Variants in ITGA2 observed in about 807,000 individuals in gnomAD.
The protein encoded by ITGA2 is integrin subunit alpha 2, also known as integrin alpha-2.
In ITGA2, 101 loss-of-function variants were observed where a neutral mutation model predicts 146.3. The ratio of observed to expected loss-of-function variants is 0.69; its 90% CI spans 0.59 to 0.81. The LOEUF (loss-of-function observed/expected upper bound fraction) is 0.81. ITGA2 is among the 40% of genes least tolerant of loss of function. The probability of loss-of-function intolerance (pLI) is 0.00; values close to 1 mark genes in which losing one functional copy is unlikely to be tolerated. For missense variants in ITGA2, 1,281 were observed against 1,402.7 expected (o/e 0.91, Z 1.39); for synonymous variants, 477 against 487.1 (o/e 0.98, Z 0.27).
chr5:53,017,636 G>A (rs1039906157), intron 1 of ITGA2, among the ~76,000 whole-genome samples: 1 of 152,224 alleles, frequency 6.6e-6, no homozygotes, highest in African/African-American at 2.4e-5. Context: ...GAAGGAGCAG[G>A]GTGGCAGCAA....
In ITGA2 at chr5:53,021,504, G is replaced by T. The variant is rs532588613; in HGVS notation, c.65-5244G>T. The stretch of plus-strand genomic sequence containing the variant: ...ACATTCTCCCAGACTCTAGAGCATG[G>T]TTCTCCTGGAAACCTTTGCTGCCCC... On this transcript the variant is annotated intron_variant, in intron 1 of 29. Transcript: ENST00000296585. 2.0e-5 allele frequency among the ~76,000 whole-genome samples: 3 copies of T among 152,234 alleles called. No homozygotes were observed. In the East Asian group the frequency reaches 5.8e-4, roughly 29 times the overall value.
Position 53,083,440 on chromosome 5 carries a change from G to T in ITGA2, c.3245G>T (p.Gly1082Val). 6.3e-7 allele frequency: 1 copy of T among 1,590,844 alleles called. No homozygotes were observed. Among genetic ancestry groups the T allele is most frequent in the East Asian group, 2.2e-5 (1 of 44,750 alleles). The change falls in exon 27 of 30, where the codon GGG (glycine) becomes GTG (valine). Residue 1082 changes from glycine to valine, a missense_variant. Transcript: ENST00000296585. ...FVNVTTRIWNGTFASSTFQTV... is the reference protein window; with the variant it reads ...FVNVTTRIWNVTFASSTFQTV... ...AATGTGACTACCAGAATTTGGAACG[G>T]GACTTTCGCATCAGTAAGTATCAGT...
rs1263029361 is a variant in ITGA2 at position 53,073,119 on chromosome 5, GAACAACCCT to G, written c.2432_2440del (p.Glu811_Phe814delinsVal). The G allele has an allele frequency of 1.9e-6, 3 of 1,611,474 alleles. No homozygotes were observed. The African/African-American group carries it at 4.0e-5, about 22-fold the overall frequency. On this transcript the variant is annotated inframe_deletion and splice_region_variant, in exon 20 of 30. Coordinates refer to ENST00000296585, the MANE Select transcript of ITGA2 (RefSeq NM_002203.4). ...CCCCCTCCTTTTTACTTTTAACAGA[GAACAACCCT>G]TTATTGTCAGCAACCAAAACAAAAG...
chr5:52,998,066 C>T (rs1162916560), intron 1 of ITGA2, among the ~76,000 whole-genome samples: 1 of 152,042 alleles, frequency 6.6e-6, no homozygotes, highest in Non-Finnish European at 1.5e-5. Flanking sequence ...TTTATTATTA[C>T]ACAGTATTTA....
chr5:53,042,556 C>T (rs887832857), intron 3 of ITGA2, among the ~76,000 whole-genome samples: 5 of 152,088 alleles, frequency 3.3e-5, no homozygotes, highest in Non-Finnish European at 7.4e-5. Context: ...CTCCTCTTTG[C>T]AAAATAAACC....
rs939643453 is a variant in ITGA2, at chr5:53,065,833, T to C, written c.1807-8T>C. ...TACTATAATTTCGTGTCAAACCTGCTCTTTTAGAAAATCTTGGGATCCGAT... is the reference window on the plus strand; with the variant it reads ...TACTATAATTTCGTGTCAAACCTGCCCTTTTAGAAAATCTTGGGATCCGAT... On this transcript the variant is annotated splice_region_variant and splice_polypyrimidine_tract_variant and intron_variant, in intron 14 of 29. Transcript: ENST00000296585. 1.2e-6 allele frequency: 2 copies of C among 1,611,636 alleles called. No homozygotes were observed. Among genetic ancestry groups the C allele is most frequent in the South Asian group, 1.1e-5 (1 of 91,056 alleles).
chr5:53,015,606 C>T (rs1011688861), intron 1 of ITGA2, among the ~76,000 whole-genome samples: 2 of 151,876 alleles, frequency 1.3e-5, no homozygotes, highest in African/African-American at 4.8e-5. Flanking sequence ...TCTATTAGGT[C>T]CATTTGATCA....
intron 17 of ITGA2, among the ~76,000 whole-genome samples, chr5:53,070,888 C>G (rs1428882792): frequency 1.3e-5 from 2 of 149,964 alleles, no homozygotes; most frequent in South Asian, 2.1e-4. Context: ...CTCAGGAAAT[C>G]ACTTTTTTAA....
chr5:52,992,140 TA>T (rs539684759), intron 1 of ITGA2, among the ~76,000 whole-genome samples: 2 of 151,984 alleles, frequency 1.3e-5, no homozygotes, highest in South Asian at 2.1e-4. Context: ...TTTCTTATTG[TA>T]AAAAAAATAT....
chr5:53,006,335 C>T (rs1227929533), intron 1 of ITGA2, among the ~76,000 whole-genome samples: 1 of 152,106 alleles, frequency 6.6e-6, no homozygotes, highest in Non-Finnish European at 1.5e-5. Flanking sequence ...TTAGGGTTCT[C>T]CTATAGCTAG....
chr5:53,082,636 G>C (rs571998589), intron 26 of ITGA2, among the ~76,000 whole-genome samples: 1 of 152,196 alleles, frequency 6.6e-6, no homozygotes, highest in East Asian at 1.9e-4. Flanking sequence ...CACAAGAGTG[G>C]TATATTTGCC....
intron 4 of ITGA2, 36 bp from the exon 5 acceptor site, chr5:53,048,327 T>G: frequency 6.7e-7 from 1 of 1,498,862 alleles, no homozygotes; most frequent in Non-Finnish European, 9.3e-7. Context: ...GCATTTTTCA[T>G]GTGTTTCCAT....
intron 1 of ITGA2, chr5:52,989,950 A>C: frequency 4.5e-6 from 1 of 223,324 alleles, no homozygotes. Flanking sequence ...CGCCTGCCAG[A>C]GACCAGGGAA....
In ITGA2 at chr5:53,093,978, G is replaced by A. The variant is rs1347673348; in HGVS notation, c.*3379G>A. The A allele has an allele frequency of 3.1e-5, 2 of 64,494 alleles. No homozygotes were observed. The highest frequency in any genetic ancestry group is 2.5e-4 in the East Asian group (1 of 3,976). 4.0% of individuals were successfully genotyped at this position (64,494 alleles called of 1,614,324 possible). On this transcript the variant is annotated 3_prime_UTR_variant, in exon 30 of 30. Transcript: ENST00000296585. Reference sequence around the variant, plus strand: ...AATAGTTACCTATTAAAACTGTGAAGAGTAAAACTAAAGCCAATTTATTAT... The same window carrying A: ...AATAGTTACCTATTAAAACTGTGAAAAGTAAAACTAAAGCCAATTTATTAT...
At position 53,038,342 on chromosome 5, in the gene ITGA2, G is replaced by A. The variant is rs151292271; in HGVS notation, c.186-3770G>A. The stretch of plus-strand genomic sequence containing the variant: ...TCACCTGAATTTGGTATTTGCATTT[G>A]GTATTGTCTGAACATACCCTGTTCC... On this transcript the variant is annotated intron_variant, in intron 2 of 29. Coordinates refer to ENST00000296585, the MANE Select transcript of ITGA2 (RefSeq NM_002203.4). Among the ~76,000 whole-genome samples, 316 of 152,214 alleles carry A rather than the reference G, an allele frequency of 2.1e-3. 3 individuals carry two copies. In the Middle Eastern group the frequency reaches 0.024, roughly 11 times the overall value.
At chr5:53,033,640 A>G (rs1036916146) in intron 2 of ITGA2, among the ~76,000 whole-genome samples, 2 of 152,054 alleles carry the variant, frequency 1.3e-5, no homozygotes, top group African/African-American at 2.4e-5. Context: ...GTCTGTCACC[A>G]AGGCTGGAAT....
intron 2 of ITGA2, among the ~76,000 whole-genome samples, chr5:53,031,084 C>T (rs748617965): frequency 1.1e-4 from 17 of 152,222 alleles, no homozygotes; most frequent in Non-Finnish European, 2.4e-4. Context: ...CCAGAATTGC[C>T]TGTTTGTTTT....
chr5:53,039,563 G>A (rs1743672916), intron 2 of ITGA2, among the ~76,000 whole-genome samples: 1 of 151,534 alleles, frequency 6.6e-6, no homozygotes, highest in East Asian at 1.9e-4. Context: ...GGCAAACATG[G>A]CAAAATCCCC....
intron 1 of ITGA2, among the ~76,000 whole-genome samples, chr5:53,008,418 G>T (rs958501025): frequency 8.6e-5 from 13 of 151,048 alleles, no homozygotes; most frequent in African/African-American, 2.9e-4. Flanking sequence ...TCACATTGAG[G>T]GTTAGGGTTT....
Sources: allele counts gnomAD v4.1 joint callset (sites outside exome capture counted in the v4.1 genomes callset), GRCh38; gene constraint gnomAD v4.1.1; transcripts MANE v1.5; gene names NCBI Gene and HGNC (gene_info 2026-07-23, HGNC 2026-07-21).